Variants in MGAT4C observed in about 807,000 individuals in gnomAD.
MGAT4C encodes the protein MGAT4 family member C.
A neutral mutation model predicts 40.1 loss-of-function variants in MGAT4C; 19 were observed. The observed-to-expected ratio is 0.47, with a 90% CI of 0.33 to 0.70. The LOEUF is 0.70. MGAT4C is among the 30% of genes least tolerant of loss of function. The pLI is 0.02. For missense variants in MGAT4C, 491 were observed against 563.2 expected (o/e 0.87, Z 1.30); for synonymous variants, 181 against 187.1 (o/e 0.97, Z 0.27).
intron 2 of MGAT4C, among the ~76,000 whole-genome samples, chr12:86,011,170 T>C (rs1888432991): frequency 6.6e-6 from 1 of 152,096 alleles, no homozygotes; most frequent in South Asian, 2.1e-4. Flanking sequence ...ATGCAAGAAG[T>C]CAAAATTCCT....
At position 85,996,776 on chromosome 12, in the gene MGAT4C, A is replaced by G. The variant is rs548541702; in HGVS notation, c.-6-7224T>C. On this transcript the variant is annotated intron_variant, in intron 2 of 4. Coordinates refer to ENST00000611864, the MANE Select transcript of MGAT4C (RefSeq NM_001351288.2). ...ACTGACATAAGGGAAAGGATAAAAAAGGGAATAAATAAAGGAGGAAGAAAG... is the reference window on the plus strand; with the variant it reads ...ACTGACATAAGGGAAAGGATAAAAAGGGGAATAAATAAAGGAGGAAGAAAG... Among the ~76,000 whole-genome samples, 20 of 152,318 alleles carry G rather than the reference A, an allele frequency of 1.3e-4. No individual in the cohort carries two copies. In the East Asian group the frequency reaches 3.9e-3, roughly 29 times the overall value.
chr12:86,423,478 A>G (rs1488687825), intron 3 of MGAT4C, among the ~76,000 whole-genome samples: 1 of 152,056 alleles, frequency 6.6e-6, no homozygotes, highest in Non-Finnish European at 1.5e-5. Context: ...TGATAGAACA[A>G]CTAAAAATTT....
intron 1 of MGAT4C, among the ~76,000 whole-genome samples, chr12:86,802,964 C>A (rs1376906379): frequency 8.0e-6 from 1 of 125,024 alleles, no homozygotes; most frequent in Non-Finnish European, 1.7e-5. Context: ...CAAGTCAATC[C>A]TAAGCCAAAA....
intron 2 of MGAT4C, among the ~76,000 whole-genome samples, chr12:86,482,608 A>C (rs1471504245): frequency 1.3e-5 from 2 of 152,094 alleles, no homozygotes; most frequent in Non-Finnish European, 2.9e-5. Flanking sequence ...AAAGTATTAC[A>C]AATATACTGT....
At chr12:86,159,456 G>C (rs553324108) in intron 1 of MGAT4C, among the ~76,000 whole-genome samples, 1 of 150,830 alleles carries the variant, frequency 6.6e-6, no homozygotes, top group East Asian at 1.9e-4. Flanking sequence ...TTGTGTCTAT[G>C]TTCATGAGGG....
intron 2 of MGAT4C, among the ~76,000 whole-genome samples, chr12:86,656,338 CA>C (rs1372661112): frequency 1.3e-5 from 2 of 151,114 alleles, no homozygotes; most frequent in African/African-American, 4.9e-5. Context: ...TTGAAAAAAA[CA>C]AGTATACACC....
At chr12:86,083,757 G>C (rs2135549410) in intron 1 of MGAT4C, among the ~76,000 whole-genome samples, 1 of 152,124 alleles carries the variant, frequency 6.6e-6, no homozygotes, top group Middle Eastern at 3.4e-3. Flanking sequence ...CTCATTATCT[G>C]ATTATTAGCT....
intron 1 of MGAT4C, among the ~76,000 whole-genome samples, chr12:86,088,280 A>G (rs1463609105): frequency 6.6e-6 from 1 of 152,040 alleles, no homozygotes; most frequent in Non-Finnish European, 1.5e-5. Context: ...CTGGACAATA[A>G]CCTAGGAAAT....
chr12:86,028,077 C>T (rs968978532), intron 2 of MGAT4C: 1 of 1,230,938 alleles, frequency 8.1e-7, no homozygotes, highest in Non-Finnish European at 1.1e-6. Context: ...GTTAAATCTT[C>T]CATCAACTAC....
chr12:86,138,861 A>C (rs1438606039), intron 1 of MGAT4C, among the ~76,000 whole-genome samples: 29 of 151,990 alleles, frequency 1.9e-4, no homozygotes. Context: ...TTCCTTATAA[A>C]TTAGCAGCCA....
intron 1 of MGAT4C, among the ~76,000 whole-genome samples, chr12:86,822,992 C>T (rs935170726): frequency 1.3e-5 from 2 of 150,326 alleles, no homozygotes; most frequent in African/African-American, 2.4e-5. Flanking sequence ...AGAAAGAAAA[C>T]TGGAAATTCC....
intron 4 of MGAT4C, among the ~76,000 whole-genome samples, chr12:86,306,465 C>T (rs1039532559): frequency 6.7e-6 from 1 of 150,274 alleles, no homozygotes; most frequent in Non-Finnish European, 1.5e-5. Context: ...ATGTAGTATA[C>T]TTTCATTGAT....
intron 1 of MGAT4C, among the ~76,000 whole-genome samples, chr12:86,202,203 G>A (rs1247727446): frequency 1.3e-5 from 2 of 152,006 alleles, no homozygotes; most frequent in Non-Finnish European, 2.9e-5. Flanking sequence ...ATCTTAGTAA[G>A]AAAGCATCAA....
intron 2 of MGAT4C, among the ~76,000 whole-genome samples, chr12:86,025,065 A>C (rs1565876297): frequency 6.6e-6 from 1 of 151,678 alleles, no homozygotes; most frequent in Non-Finnish European, 1.5e-5. Context: ...TAAATTATCA[A>C]GTGATTTTTA....
At chr12:86,294,119 A>G (rs909776382) in intron 4 of MGAT4C, among the ~76,000 whole-genome samples, 1 of 105,918 alleles carries the variant, frequency 9.4e-6, no homozygotes, top group Non-Finnish European at 2.0e-5. Context: ...TTAGAAATTA[A>G]AAAACAATAT....
At chr12:86,575,429 G>A (rs1029079606) in intron 2 of MGAT4C, among the ~76,000 whole-genome samples, 9 of 151,700 alleles carry the variant, frequency 5.9e-5, no homozygotes, top group African/African-American at 1.7e-4. Context: ...CAATTGTTTT[G>A]ATTTTTAGAT....
intron 1 of MGAT4C, among the ~76,000 whole-genome samples, chr12:86,156,104 T>C (rs1278364374): frequency 6.6e-6 from 1 of 152,186 alleles, no homozygotes; most frequent in African/African-American, 2.4e-5. Flanking sequence ...TAAACACACA[T>C]ATATATACAG....
intron 1 of MGAT4C, among the ~76,000 whole-genome samples, chr12:86,801,337 G>C (rs906520505): frequency 5.9e-5 from 9 of 151,834 alleles, no homozygotes; most frequent in Non-Finnish European, 1.3e-4. Flanking sequence ...AGAATATCGA[G>C]AGCGTGTTGA....
At chr12:86,303,804 TG>T (rs1407492045) in intron 4 of MGAT4C, among the ~76,000 whole-genome samples, 2 of 150,606 alleles carry the variant, frequency 1.3e-5, no homozygotes. Flanking sequence ...TAGTTTTCAA[TG>T]GATTAAATAT....
Sources: gnomAD v4.1 joint callset for allele counts (sites outside exome capture counted in the v4.1 genomes callset) on GRCh38, gnomAD v4.1.1 for gene constraint, MANE v1.5 for transcripts, NCBI Gene and HGNC (gene_info 2026-07-23, HGNC 2026-07-21) for gene names.